The following AP2A2 variants were observed in gnomAD, a reference collection of about 807,000 sequenced individuals.
The protein encoded by AP2A2 is AP-2 complex subunit alpha-2.
Under a neutral mutation model 104.2 loss-of-function variants are expected in AP2A2, and 32 were observed. The observed-to-expected ratio is 0.31, with a 90% CI of 0.23 to 0.41. AP2A2 has a LOEUF of 0.41. AP2A2 is among the 10% of genes least tolerant of loss of function. The pLI, the probability that AP2A2 is intolerant of heterozygous loss-of-function variation, is 1.00. For synonymous variants in AP2A2, 539 were observed against 533.3 expected, an observed-to-expected ratio of 1.01 and a Z score of -0.15; for missense variants, 912 against 1,261.0, an observed-to-expected ratio of 0.72 and a Z score of 4.19.
intron 14 of AP2A2, among the ~76,000 whole-genome samples, chr11:999,536 C>G (rs1855960260): frequency 6.6e-6 from 1 of 152,018 alleles, no homozygotes; most frequent in African/African-American, 2.4e-5. Context: ...GCTATGTTGC[C>G]CAGGCTAGTT....
At position 993,663 on chromosome 11, in the gene AP2A2, G is replaced by A; in HGVS notation, c.1551-91G>A. The A allele has an allele frequency of 9.9e-7, 1 of 1,006,844 alleles. No homozygotes were observed. The highest frequency in any genetic ancestry group is 1.5e-6 in the Non-Finnish European group (1 of 682,860). 62.4% of individuals were successfully genotyped at this position (1,006,844 alleles called of 1,614,324 possible). A position where few individuals can be genotyped will look rare whatever the true frequency, so the allele number is the denominator to read the frequency against. On this transcript the variant is annotated intron_variant, in intron 12 of 21. Transcript: ENST00000448903. The surrounding 1 kb of genome is among the most constrained non-coding windows in gnomAD (Gnocchi z 8.2). Reference sequence around the variant, plus strand: ...GACCAGCGGCCTCTGGTGCAGGCCAGGGGGTCTCGCCGCCGTCCCCCCCCC... The same window carrying A: ...GACCAGCGGCCTCTGGTGCAGGCCAAGGGGTCTCGCCGCCGTCCCCCCCCC...
intron 1 of AP2A2, chr11:947,002 TTTC>T (rs1316317012): frequency 4.1e-5 from 4 of 97,570 alleles, no homozygotes; most frequent in Non-Finnish European, 8.0e-5. Context: ...CCTGTCTTTT[TTTC>T]TTTTCTTTTT....
At chr11:929,268 C>T (rs1024832074) in intron 1 of AP2A2, among the ~76,000 whole-genome samples, 7 of 152,108 alleles carry the variant, frequency 4.6e-5, no homozygotes, top group South Asian at 2.1e-4. Context: ...GTTTTCCTGT[C>T]ATGAGAGTGA....
intron 1 of AP2A2, among the ~76,000 whole-genome samples, chr11:936,493 A>G (rs1853463649): frequency 6.6e-6 from 1 of 152,150 alleles, no homozygotes; most frequent in Non-Finnish European, 1.5e-5. Context: ...TCCTGGGCTC[A>G]GGTGATCCTC....
At chr11:994,748 C>T (rs1400894072) in intron 14 of AP2A2, among the ~76,000 whole-genome samples, 6 of 102,954 alleles carry the variant, frequency 5.8e-5, no homozygotes, top group African/African-American at 1.4e-4. Flanking sequence ...TGGACGCCCC[C>T]CTGGCCTGTC....
chr11:930,196 T>C (rs1422436295), intron 1 of AP2A2, among the ~76,000 whole-genome samples: 2 of 149,772 alleles, frequency 1.3e-5, no homozygotes, highest in South Asian at 2.1e-4. Context: ...GACACTAGGA[T>C]GCTCTGTTTT....
chr11:946,913 A>AAT (rs1348726750), intron 1 of AP2A2: 4 of 152,178 alleles, frequency 2.6e-5, no homozygotes, highest in Non-Finnish European at 4.4e-5. Flanking sequence ...TACGTGAAGA[A>AAT]ATAAAAGAAC....
At chr11:996,859 GCACC>G (rs1359914208) in intron 14 of AP2A2, among the ~76,000 whole-genome samples, 7 of 151,904 alleles carry the variant, frequency 4.6e-5, no homozygotes, top group South Asian at 2.1e-4. Context: ...TGGTGTGTGG[GCACC>G]TCCGTCCTGA....
chr11:942,867 T>G (rs1853702606), intron 1 of AP2A2, among the ~76,000 whole-genome samples: 1 of 152,120 alleles, frequency 6.6e-6, no homozygotes, highest in Admixed American at 6.6e-5. Flanking sequence ...ACCAGCCTTG[T>G]CCCAGCCTGG....
intron 1 of AP2A2, among the ~76,000 whole-genome samples, chr11:928,642 A>T (rs919915246): frequency 6.6e-6 from 1 of 152,256 alleles, no homozygotes; most frequent in Non-Finnish European, 1.5e-5. Context: ...GCATTGACAA[A>T]TGTGCCCTTA....
chr11:981,895 G>A (rs2133694099), intron 6 of AP2A2, among the ~76,000 whole-genome samples: 1 of 152,368 alleles, frequency 6.6e-6, no homozygotes, highest in African/African-American at 2.4e-5. Context: ...TGGGGCCGCG[G>A]CTCCTGAACC....
At position 972,103 on chromosome 11, in the gene AP2A2, G is replaced by A. The variant is rs775058159; in HGVS notation, c.321G>A (p.Glu107=). ...FISVLVNSNS[E]LIRLINNAIK... ...CTGTGTTGGTGAACTCAAACAGTGA[G>A]CTGATCCGCCTGATCAACAACGCCA... Residue 107 remains glutamate, a synonymous_variant, in exon 4 of 22, where the codon GAG becomes GAA. Coordinates refer to ENST00000448903, the MANE Select transcript of AP2A2 (RefSeq NM_012305.4). 5.0e-6 allele frequency: 8 copies of A among 1,613,828 alleles called. No homozygotes were observed. In the Admixed American group the frequency reaches 1.3e-4, roughly 27 times the overall value.
chr11:935,753 C>G (rs1253292026), intron 1 of AP2A2, among the ~76,000 whole-genome samples: 1 of 149,798 alleles, frequency 6.7e-6, no homozygotes, highest in Non-Finnish European at 1.5e-5. Context: ...ATTGCAGGCA[C>G]CTGGCTAATT....
rs376825131 is a variant in AP2A2, at chr11:985,590, G to A, written c.962+8G>A. 6.8e-6 allele frequency: 11 copies of A among 1,613,664 alleles called. No individual in the cohort carries two copies. The highest frequency in any genetic ancestry group is 2.2e-5 in the East Asian group (1 of 44,896). ...AATCATTCACCATGACAGGTGTGTC[G>A]GCTGCCTGTGGAGAGGCTTCGTCTC... On this transcript the variant is annotated splice_region_variant and intron_variant, in intron 8 of 21. Coordinates refer to ENST00000448903, the MANE Select transcript of AP2A2 (RefSeq NM_012305.4).
chr11:951,387 C>A (rs999391276), intron 1 of AP2A2, among the ~76,000 whole-genome samples: 2 of 151,678 alleles, frequency 1.3e-5, no homozygotes. Flanking sequence ...ATTAGCTGGG[C>A]GTAGTGGCAG....
rs1391237236 is a variant in AP2A2, at chr11:968,001, A to G, written c.137-2168A>G. On this transcript the variant is annotated intron_variant, in intron 2 of 21. Transcript: ENST00000448903. This position sits in a 1 kb window ranked among gnomAD's most constrained non-coding sequence, Gnocchi z 4.2. ...AGTCTGGGTCCTTTCAGGAGGGATAAACTTCACAGTGGCACCTGCCAGGGG... is the reference window on the plus strand; with the variant it reads ...AGTCTGGGTCCTTTCAGGAGGGATAGACTTCACAGTGGCACCTGCCAGGGG... Among the ~76,000 whole-genome samples, 1 of 152,050 alleles carries G rather than the reference A, an allele frequency of 6.6e-6. No homozygotes were observed. Among genetic ancestry groups the G allele is most frequent in the Non-Finnish European group, 1.5e-5 (1 of 67,996 alleles).
intron 14 of AP2A2, among the ~76,000 whole-genome samples, chr11:994,462 G>A (rs1199425712): frequency 1.7e-4 from 24 of 140,666 alleles, no homozygotes; most frequent in Admixed American, 1.5e-3. Context: ...TGGACGCCAC[G>A]CTGTCCTGTC....
intron 14 of AP2A2, among the ~76,000 whole-genome samples, chr11:1,000,218 G>C (rs548422184): frequency 1.3e-5 from 2 of 152,338 alleles, no homozygotes; most frequent in South Asian, 4.1e-4. Flanking sequence ...TTTAAGTGCA[G>C]TTATCTTTAG....
At chr11:1,008,819 C>G in intron 18 of AP2A2, 1 of 505,264 alleles carries the variant, frequency 2.0e-6, no homozygotes, top group Non-Finnish European at 3.5e-6. Flanking sequence ...AAACATCACA[C>G]TATTTGCACA....
Sources: gnomAD v4.1 joint callset for allele counts (sites outside exome capture counted in the v4.1 genomes callset) on GRCh38, gnomAD v4.1.1 for gene constraint, Gnocchi (gnomAD v3.1) non-coding constraint, MANE v1.5 for transcripts, NCBI Gene and HGNC (gene_info 2026-07-23, HGNC 2026-07-21) for gene names.